The following RPS6KA6 variants were observed in gnomAD, a reference collection of about 807,000 sequenced individuals.
RPS6KA6 encodes ribosomal protein S6 kinase alpha-6.
A neutral mutation model predicts 65.4 loss-of-function variants in RPS6KA6; 27 were observed. The observed-to-expected ratio is 0.41, with a 90% CI of 0.30 to 0.57. The LOEUF (loss-of-function observed/expected upper bound fraction) is 0.57. RPS6KA6 is among the 20% of genes least tolerant of loss of function. The pLI is 0.24. For missense variants in RPS6KA6, 486 were observed against 555.6 expected, an observed-to-expected ratio of 0.87 and a Z score of 1.26; for synonymous variants, 190 against 184.2, an observed-to-expected ratio of 1.03 and a Z score of -0.26.
At chrX:84,148,397 A>G (rs1291517179) in intron 3 of RPS6KA6, among the ~76,000 whole-genome samples, 2 of 110,625 alleles carry the variant, frequency 1.8e-5, no homozygotes, top group African/African-American at 6.5e-5. Flanking sequence ...ATAAATGAAA[A>G]AAGTTATACC....
At chrX:84,178,276 TA>T (rs2035798616) in intron 1 of RPS6KA6, among the ~76,000 whole-genome samples, 1 of 111,066 alleles carries the variant, frequency 9.0e-6, no homozygotes, top group East Asian at 2.8e-4. Context: ...AACTGCTATA[TA>T]AAAAATGTTA....
intron 20 of RPS6KA6, among the ~76,000 whole-genome samples, chrX:84,076,542 G>A (rs770814137): frequency 4.7e-4 from 53 of 111,711 alleles, no homozygotes; most frequent in African/African-American, 1.6e-3. Flanking sequence ...CAACAATAAA[G>A]AAAATCATGT....
At chrX:84,182,239 C>T (rs764625315) in intron 1 of RPS6KA6, among the ~76,000 whole-genome samples, 7 of 110,897 alleles carry the variant, frequency 6.3e-5, no homozygotes, top group African/African-American at 2.3e-4. Flanking sequence ...CTCTCTAAAT[C>T]TCTCTCCCAT....
At chrX:84,164,495 A>G (rs1025204052) in intron 1 of RPS6KA6, 108 bp from the exon 2 acceptor site, 37 of 518,318 alleles carry the variant, frequency 7.1e-5, no homozygotes, top group Non-Finnish European at 1.0e-4. Context: ...CAAGATCCAC[A>G]CTTACTGAAA....
chrX:84,092,615 C>T lies in RPS6KA6; in HGVS notation c.1971+3579G>A, dbSNP rs1307510603. 3.8e-5 allele frequency among the ~76,000 whole-genome samples: 4 copies of T among 105,541 alleles called. No individual in the cohort carries two copies. The East Asian group carries it at 8.8e-4, about 23-fold the overall frequency. The allele number at this position is 105,541 out of a possible 115,157, so 91.6% of individuals were successfully genotyped here. ...GCAGCCTGGCGACAGAGTGAGACTC[C>T]GTATCAAAAAAAAAAAATGCAATGA... On this transcript the variant is annotated intron_variant, in intron 20 of 21. Transcript: ENST00000262752.
chrX:84,151,131 GATATATAGGATATATAGAT>G (rs1292231940), intron 3 of RPS6KA6, among the ~76,000 whole-genome samples: 27 of 96,113 alleles, frequency 2.8e-4, no homozygotes, highest in African/African-American at 8.5e-4. Context: ...GATATATATA[GATATATAGGATATATAGAT>G]ATATATAGGA....
At chrX:84,132,864 A>G (rs981865238) in intron 8 of RPS6KA6, among the ~76,000 whole-genome samples, 1 of 109,078 alleles carries the variant, frequency 9.2e-6, no homozygotes, top group East Asian at 2.9e-4. Flanking sequence ...CTGTCATTCC[A>G]GATACTAGGT....
At chrX:84,114,982 A>G (rs533087292) in intron 12 of RPS6KA6, among the ~76,000 whole-genome samples, 3 of 112,325 alleles carry the variant, frequency 2.7e-5, no homozygotes, top group African/African-American at 9.7e-5. Context: ...AGACTTAAAC[A>G]TAAGATGTGA....
At chrX:84,106,769 G>T in intron 14 of RPS6KA6, 141 bp downstream of exon 14, 2 of 497,531 alleles carry the variant, frequency 4.0e-6, no homozygotes, top group Non-Finnish European at 6.4e-6. Flanking sequence ...AAACACACAG[G>T]GACATATTTA....
At chrX:84,131,313 T>G (rs1055430610) in intron 8 of RPS6KA6, among the ~76,000 whole-genome samples, 1 of 112,779 alleles carries the variant, frequency 8.9e-6, no homozygotes, top group African/African-American at 3.2e-5. Context: ...ATTTTCTAAC[T>G]ATGCTCAACA....
At chrX:84,163,377 C>T (rs1036660661) in intron 2 of RPS6KA6, among the ~76,000 whole-genome samples, 4 of 110,700 alleles carry the variant, frequency 3.6e-5, no homozygotes, top group African/African-American at 9.9e-5. Flanking sequence ...CGGTGGCTCA[C>T]GCCTGTAATC....
intron 20 of RPS6KA6, among the ~76,000 whole-genome samples, chrX:84,087,230 T>G (rs1284797585): frequency 9.0e-6 from 1 of 111,404 alleles, no homozygotes; most frequent in Non-Finnish European, 1.9e-5. Flanking sequence ...TACTTGTTTA[T>G]GTGGTTGTTT....
intron 20 of RPS6KA6, among the ~76,000 whole-genome samples, chrX:84,065,356 G>A (rs1052571392): frequency 3.6e-5 from 4 of 111,594 alleles, no homozygotes; most frequent in African/African-American, 9.8e-5. Context: ...GGAATTGGAT[G>A]TGTGATTAGT....
intron 6 of RPS6KA6, 71 bp from the exon 7 acceptor site, chrX:84,135,281 A>G (rs998732537): frequency 1.5e-6 from 1 of 689,571 alleles, no homozygotes; most frequent in African/African-American, 2.2e-5. Flanking sequence ...TACTTCTTTC[A>G]AAATGAGTAG....
chrX:84,185,024 A>G (rs1173724511), intron 1 of RPS6KA6, among the ~76,000 whole-genome samples: 1 of 111,385 alleles, frequency 9.0e-6, no homozygotes, highest in East Asian at 2.8e-4. Flanking sequence ...ATGGCATTAA[A>G]TCATGAAAAG....
At chrX:84,181,211 A>C (rs904986777) in intron 1 of RPS6KA6, among the ~76,000 whole-genome samples, 1 of 111,834 alleles carries the variant, frequency 8.9e-6, no homozygotes, top group Non-Finnish European at 1.9e-5. Context: ...ATGGGTTTTG[A>C]AATTTTTTGT....
chrX:84,100,473 G>A (rs961291380), intron 18 of RPS6KA6, among the ~76,000 whole-genome samples: 1 of 111,082 alleles, frequency 9.0e-6, no homozygotes, highest in Non-Finnish European at 1.9e-5. Flanking sequence ...TTTCCAGTGA[G>A]AAGTTGCCAT....
chrX:84,110,646 T>C (rs1274314036), intron 12 of RPS6KA6, among the ~76,000 whole-genome samples: 1 of 111,684 alleles, frequency 9.0e-6, no homozygotes, highest in Non-Finnish European at 1.9e-5. Flanking sequence ...TTCTGGCTAC[T>C]TCCCAACCTA....
At chrX:84,168,572 A>G (rs2035634488) in intron 1 of RPS6KA6, among the ~76,000 whole-genome samples, 1 of 111,938 alleles carries the variant, frequency 8.9e-6, no homozygotes, top group Non-Finnish European at 1.9e-5. Flanking sequence ...AAAACAGTCC[A>G]GAAATCAATA....
Sources: allele counts gnomAD v4.1 joint callset (sites outside exome capture counted in the v4.1 genomes callset), GRCh38; gene constraint gnomAD v4.1.1; transcripts MANE v1.5; gene names NCBI Gene and HGNC (gene_info 2026-07-23, HGNC 2026-07-21).